XYLT1: variants seen among roughly 807,000 people sequenced by gnomAD.
XYLT1 encodes xylosyltransferase 1.
A neutral mutation model predicts 91.3 loss-of-function variants in XYLT1; 36 were observed. The observed-to-expected ratio is 0.39, with a 90% CI of 0.30 to 0.52. The LOEUF is 0.52. Ranked by LOEUF, XYLT1 falls within the 20% of genes least tolerant of loss-of-function variation. The pLI is 0.68. For missense variants in XYLT1, 1,242 were observed against 1,284.5 expected, an observed-to-expected ratio of 0.97 and a Z score of 0.51; for synonymous variants, 588 against 532.0, an observed-to-expected ratio of 1.11 and a Z score of -1.45.
At chr16:17,280,277 G>C (rs886756226) in intron 2 of XYLT1, among the ~76,000 whole-genome samples, 6 of 152,180 alleles carry the variant, frequency 3.9e-5, no homozygotes, top group Non-Finnish European at 8.8e-5. Flanking sequence ...TTGAACCCAG[G>C]AGGAAGAGGT....
chr16:17,362,550 A>G (rs772169446), intron 1 of XYLT1, among the ~76,000 whole-genome samples: 8 of 152,224 alleles, frequency 5.3e-5, no homozygotes, highest in Non-Finnish European at 1.0e-4. Context: ...AAACTTGTCT[A>G]CACCTCAAAA....
At chr16:17,156,079 GA>G (rs2031399798) in intron 6 of XYLT1, among the ~76,000 whole-genome samples, 1 of 152,158 alleles carries the variant, frequency 6.6e-6, no homozygotes, top group Non-Finnish European at 1.5e-5. Context: ...ATGAATAAAT[GA>G]GTATAGGTCT....
chr16:17,311,059 A>G (rs1346793501), intron 2 of XYLT1, among the ~76,000 whole-genome samples: 2 of 152,102 alleles, frequency 1.3e-5, no homozygotes, highest in Non-Finnish European at 2.9e-5. Context: ...CCCAAACTTG[A>G]TGAAGATGGG....
chr16:17,242,047 G>C (rs1273288817), intron 3 of XYLT1, among the ~76,000 whole-genome samples: 2 of 152,100 alleles, frequency 1.3e-5, no homozygotes, highest in African/African-American at 4.8e-5. Flanking sequence ...AGATCTCCTG[G>C]GACTTATTCA....
chr16:17,232,256 A>AATT (rs1490509377), intron 3 of XYLT1, among the ~76,000 whole-genome samples: 1 of 142,628 alleles, frequency 7.0e-6, no homozygotes, highest in Admixed American at 7.2e-5. Context: ...TATTATATAT[A>AATT]ATTATTATTA....
intron 2 of XYLT1, among the ~76,000 whole-genome samples, chr16:17,262,032 C>T (rs2033730304): frequency 6.6e-6 from 1 of 152,068 alleles, no homozygotes; most frequent in South Asian, 2.1e-4. Context: ...TATCCAGAGG[C>T]CCTTGAAGAG....
intron 1 of XYLT1, among the ~76,000 whole-genome samples, chr16:17,414,904 G>C (rs2036161066): frequency 6.6e-6 from 1 of 152,156 alleles, no homozygotes; most frequent in African/African-American, 2.4e-5. Flanking sequence ...GGTGAGCACT[G>C]TGTGGACGGT....
chr16:17,273,327 C>G (rs528625480), intron 2 of XYLT1, among the ~76,000 whole-genome samples: 1 of 152,280 alleles, frequency 6.6e-6, no homozygotes, highest in East Asian at 1.9e-4. Flanking sequence ...ATCCATTCCC[C>G]GCCTGCATTT....
At chr16:17,405,281 C>T (rs945545490) in intron 1 of XYLT1, among the ~76,000 whole-genome samples, 1 of 152,232 alleles carries the variant, frequency 6.6e-6, no homozygotes, top group African/African-American at 2.4e-5. Flanking sequence ...TCATGTCTTT[C>T]TTCCCAACAG....
At position 17,313,369 on chromosome 16, in the gene XYLT1, C is replaced by G. The variant is rs536622996; in HGVS notation, c.402+44643G>C. On this transcript the variant is annotated intron_variant, in intron 2 of 11. Coordinates refer to ENST00000261381, the MANE Select transcript of XYLT1 (RefSeq NM_022166.4). ...CAGGACATCCAGTAAAGCTGTAACA[C>G]CACCAAAAAAGGCCTCCCACACAAG... is the stretch of plus-strand genomic sequence containing the variant. Among the ~76,000 whole-genome samples, 6 of 152,284 alleles carry G rather than the reference C, an allele frequency of 3.9e-5. No individual in the cohort carries two copies. The South Asian group carries it at 1.2e-3, about 32-fold the overall frequency.
chr16:17,360,006 G>A (rs1317925849), intron 1 of XYLT1, among the ~76,000 whole-genome samples: 1 of 152,140 alleles, frequency 6.6e-6, no homozygotes, highest in African/African-American at 2.4e-5. Context: ...CTTAGTGGGC[G>A]AGAGCATGCA....
intron 3 of XYLT1, among the ~76,000 whole-genome samples, chr16:17,240,646 C>T (rs373112956): frequency 6.6e-6 from 1 of 152,168 alleles, no homozygotes; most frequent in Non-Finnish European, 1.5e-5. Flanking sequence ...CTCTTCGGGA[C>T]CAAGCCTGAA....
At chr16:17,128,363 T>C (rs1185882325) in intron 9 of XYLT1, among the ~76,000 whole-genome samples, 1 of 152,248 alleles carries the variant, frequency 6.6e-6, no homozygotes, top group Non-Finnish European at 1.5e-5. Flanking sequence ...GAAGACACGA[T>C]TTTGTATGTG....
intron 1 of XYLT1, among the ~76,000 whole-genome samples, chr16:17,361,272 C>T (rs533953829): frequency 6.6e-6 from 1 of 152,310 alleles, no homozygotes; most frequent in East Asian, 1.9e-4. Context: ...ATGCCAGACA[C>T]GTGAAACAAA....
chr16:17,451,254 C>T (rs768779909), intron 1 of XYLT1, among the ~76,000 whole-genome samples: 9 of 152,198 alleles, frequency 5.9e-5, no homozygotes, highest in Admixed American at 4.6e-4. Context: ...GGCCTGGAAG[C>T]CCCTGCAGGC....
chr16:17,253,339 T>C (rs2033574395), intron 3 of XYLT1, among the ~76,000 whole-genome samples: 1 of 152,088 alleles, frequency 6.6e-6, no homozygotes, highest in African/African-American at 2.4e-5. Flanking sequence ...GCCAATCTTA[T>C]TAACCAGCTC....
intron 4 of XYLT1, 68 bp downstream of exon 4, chr16:17,200,414 G>A: frequency 5.1e-6 from 8 of 1,557,974 alleles, no homozygotes; most frequent in Non-Finnish European, 7.0e-6. Context: ...TGCAGAAGGA[G>A]GGTATCAGGG....
chr16:17,205,277 G>T (rs2032622865), intron 3 of XYLT1, among the ~76,000 whole-genome samples: 1 of 152,134 alleles, frequency 6.6e-6, no homozygotes, highest in African/African-American at 2.4e-5. Flanking sequence ...GTAATCCTTG[G>T]GCTCCAAAGA....
At chr16:17,380,908 G>A (rs1362528041) in intron 1 of XYLT1, among the ~76,000 whole-genome samples, 2 of 152,318 alleles carry the variant, frequency 1.3e-5, no homozygotes, top group East Asian at 3.9e-4. Context: ...GTTACAAAAG[G>A]ACAAATACTG....
Sources: allele counts gnomAD v4.1 joint callset (sites outside exome capture counted in the v4.1 genomes callset), GRCh38; gene constraint gnomAD v4.1.1; transcripts MANE v1.5; gene names NCBI Gene and HGNC (gene_info 2026-07-23, HGNC 2026-07-21).